The following HDAC9 variants were observed in gnomAD, a reference collection of about 807,000 sequenced individuals.
The protein encoded by HDAC9 is MEF-2 interacting transcription repressor (MITR) protein.
Under a neutral mutation model 139.4 loss-of-function variants are expected in HDAC9, and 41 were observed. That is an observed-to-expected ratio of 0.29 (90% CI 0.23 to 0.38). The LOEUF is 0.38. Ranked by LOEUF, HDAC9 falls within the 10% of genes least tolerant of loss-of-function variation. The pLI, the probability that HDAC9 is intolerant of heterozygous loss-of-function variation, is 1.00. For synonymous variants in HDAC9, 517 were observed against 476.2 expected (o/e 1.09, Z -1.12); for missense variants, 1,147 against 1,297.0 (o/e 0.88, Z 1.78).
In HDAC9 at chr7:19,000,954, A is replaced by G. The variant is rs1786718860; in HGVS notation, c.*4892A>G. On this transcript the variant is annotated 3_prime_UTR_variant, in exon 26 of 26. Transcript: ENST00000686413. ...ATTTTATATAAACATTTTGATAGATACTCTGTCTTTTGTTTTTTATCTCTT... is the reference window on the plus strand; with the variant it reads ...ATTTTATATAAACATTTTGATAGATGCTCTGTCTTTTGTTTTTTATCTCTT... The G allele has an allele frequency of 1.3e-5, 2 of 152,096 alleles. No individual in the cohort carries two copies. Among genetic ancestry groups the G allele is most frequent in the South Asian group, 4.1e-4 (2 of 4,830 alleles). The allele number at this position is 152,096 out of a possible 1,614,324, so 9.4% of individuals were successfully genotyped here.
At chr7:18,971,844 A>T (rs1784260633) in intron 24 of HDAC9, among the ~76,000 whole-genome samples, 1 of 152,224 alleles carries the variant, frequency 6.6e-6, no homozygotes, top group Non-Finnish European at 1.5e-5. Flanking sequence ...TTATCCAAAA[A>T]GGTCTCAACT....
At chr7:18,667,761 T>C in intron 12 of HDAC9, 1 of 984,778 alleles carries the variant, frequency 1.0e-6, no homozygotes. Flanking sequence ...TATGAATTGA[T>C]TTATTGTCTA....
intron 1 of HDAC9, among the ~76,000 whole-genome samples, chr7:18,134,999 C>A (rs888238944): frequency 1.3e-5 from 2 of 151,956 alleles, no homozygotes; most frequent in Non-Finnish European, 2.9e-5. Flanking sequence ...TGGTTTGTAT[C>A]TAAACAGATC....
intron 1 of HDAC9, among the ~76,000 whole-genome samples, chr7:18,406,115 A>T (rs1033007614): frequency 1.3e-5 from 2 of 152,222 alleles, no homozygotes; most frequent in East Asian, 1.9e-4. Flanking sequence ...AAACATTCTT[A>T]AAAATACTGA....
chr7:18,440,980 G>A (rs1472640212), intron 1 of HDAC9, among the ~76,000 whole-genome samples: 2 of 152,126 alleles, frequency 1.3e-5, no homozygotes, highest in African/African-American at 4.8e-5. Flanking sequence ...AGTGCATTAG[G>A]GACACGAGAT....
At chr7:18,486,272 TA>T (rs1475498797) in intron 1 of HDAC9, among the ~76,000 whole-genome samples, 2 of 152,134 alleles carry the variant, frequency 1.3e-5, no homozygotes, top group African/African-American at 4.8e-5. Context: ...TTCTGTTTCA[TA>T]AAAAAGAGAT....
chr7:18,603,125 A>G (rs777030233), intron 6 of HDAC9, among the ~76,000 whole-genome samples: 25 of 152,164 alleles, frequency 1.6e-4, no homozygotes, highest in Non-Finnish European at 5.9e-5. Context: ...AGCTCTTCCA[A>G]CATCCTTCTG....
intron 1 of HDAC9, among the ~76,000 whole-genome samples, chr7:18,354,857 C>T (rs765025559): frequency 2.6e-5 from 4 of 152,082 alleles, no homozygotes; most frequent in East Asian, 1.9e-4. Context: ...CATCGGGGCA[C>T]GTAAGCTCTG....
At chr7:18,815,024 T>C (rs955714550) in intron 17 of HDAC9, among the ~76,000 whole-genome samples, 6 of 152,168 alleles carry the variant, frequency 3.9e-5, no homozygotes, top group South Asian at 2.1e-4. Context: ...AAAATATGAG[T>C]ATAAGAGAAA....
At chr7:18,506,881 A>C (rs902748598) in intron 2 of HDAC9, among the ~76,000 whole-genome samples, 29 of 152,014 alleles carry the variant, frequency 1.9e-4, no homozygotes. Flanking sequence ...GGGTATTACT[A>C]CCTCTTGATG....
intron 1 of HDAC9, among the ~76,000 whole-genome samples, chr7:18,095,785 A>G (rs1171608792): frequency 2.0e-5 from 3 of 152,256 alleles, no homozygotes; most frequent in African/African-American, 4.8e-5. Flanking sequence ...AAAAGAAACA[A>G]CATTGAACTC....
chr7:18,171,826 T>G (rs929913431), intron 2 of HDAC9, among the ~76,000 whole-genome samples: 4 of 152,228 alleles, frequency 2.6e-5, no homozygotes, highest in African/African-American at 9.6e-5. Context: ...AGCATTTTGA[T>G]GTGCTGCTGG....
chr7:18,259,502 A>G (rs991833741), intron 2 of HDAC9, among the ~76,000 whole-genome samples: 2 of 152,170 alleles, frequency 1.3e-5, no homozygotes, highest in African/African-American at 4.8e-5. Context: ...AGCTGGGACT[A>G]CAGGTGTGCA....
chr7:18,848,735 C>G (rs1006155490), intron 21 of HDAC9, among the ~76,000 whole-genome samples: 2 of 151,912 alleles, frequency 1.3e-5, no homozygotes, highest in Admixed American at 6.6e-5. Flanking sequence ...TATGAGAAAC[C>G]AAGCAACCCA....
intron 2 of HDAC9, among the ~76,000 whole-genome samples, chr7:18,522,699 G>C (rs933065352): frequency 2.6e-5 from 4 of 151,828 alleles, no homozygotes; most frequent in African/African-American, 9.7e-5. Context: ...TTTAAGCGCT[G>C]TAGGTGAGGT....
At chr7:18,500,809 C>T (rs1014368880) in intron 2 of HDAC9, among the ~76,000 whole-genome samples, 4 of 151,702 alleles carry the variant, frequency 2.6e-5, no homozygotes, top group African/African-American at 9.7e-5. Context: ...GTATTGCTTC[C>T]TACAAATAGA....
At chr7:18,159,261 T>G (rs965644709) in intron 1 of HDAC9, among the ~76,000 whole-genome samples, 1 of 152,222 alleles carries the variant, frequency 6.6e-6, no homozygotes, top group African/African-American at 2.4e-5. Context: ...TGTATTATTT[T>G]TCTATTCTTT....
intron 2 of HDAC9, among the ~76,000 whole-genome samples, chr7:18,213,569 A>G (rs1434748288): frequency 6.6e-6 from 1 of 152,162 alleles, no homozygotes; most frequent in Non-Finnish European, 1.5e-5. Context: ...GATTTTCATC[A>G]GCTGAGGACT....
chr7:18,808,762 A>G (rs1397357798), intron 17 of HDAC9, among the ~76,000 whole-genome samples: 2 of 151,990 alleles, frequency 1.3e-5, no homozygotes, highest in Non-Finnish European at 2.9e-5. Context: ...TTTCAATGAC[A>G]TTTTTCACAG....
Sources: gnomAD v4.1 joint callset for allele counts (sites outside exome capture counted in the v4.1 genomes callset) on GRCh38, gnomAD v4.1.1 for gene constraint, MANE v1.5 for transcripts, NCBI Gene and HGNC (gene_info 2026-07-23, HGNC 2026-07-21) for gene names.